Variants in SPATA7 observed in about 807,000 individuals in gnomAD.
The protein encoded by SPATA7 is spermatogenesis associated 7, also known as spermatogenesis-associated protein 7.
A neutral mutation model predicts 51.8 loss-of-function variants in SPATA7; 43 were observed. The observed-to-expected ratio is 0.83, with a 90% CI of 0.65 to 1.07. SPATA7 has a LOEUF of 1.07. Among genes scored for constraint, SPATA7 ranks in the 50% least tolerant of loss-of-function variants. SPATA7 has a pLI of 0.00. For missense variants in SPATA7, 683 were observed against 701.3 expected (o/e 0.97, Z 0.30); for synonymous variants, 230 against 252.8 (o/e 0.91, Z 0.86).
chr14:88,470,144 T>C (rs1447804651), exon 5 of SPATA7: 66 of 1,222,262 alleles, frequency 5.4e-5, no homozygotes, highest in Non-Finnish European at 7.4e-5. Context: ...AAAGTTTTTT[T>C]AAAAAAGTAA....
chr14:88,400,040 G>T (rs1418629150), intron 4 of SPATA7, among the ~76,000 whole-genome samples: 1 of 152,112 alleles, frequency 6.6e-6, no homozygotes, highest in Non-Finnish European at 1.5e-5. Context: ...CTCCTCAAGT[G>T]CACATGAAAC....
At chr14:88,406,850 C>A (rs542080991) in intron 4 of SPATA7, 1 of 152,216 alleles carries the variant, frequency 6.6e-6, no homozygotes, top group Non-Finnish European at 1.5e-5. Flanking sequence ...TGAGTGAGAA[C>A]ATGCAGTGTT....
chr14:88,408,407 T>C (rs946962851), intron 4 of SPATA7, among the ~76,000 whole-genome samples: 4 of 152,230 alleles, frequency 2.6e-5, no homozygotes, highest in African/African-American at 9.6e-5. Flanking sequence ...TTTGGCTGTC[T>C]GTCTGTTGTT....
chr14:88,463,562 C>CCA (rs2140064663), intron 4 of SPATA7, among the ~76,000 whole-genome samples: 2 of 152,216 alleles, frequency 1.3e-5, no homozygotes, highest in South Asian at 4.1e-4. Flanking sequence ...TGGTTCTGTA[C>CCA]CACTGCTTAC....
At chr14:88,386,364 C>T (rs2075577447) in intron 1 of SPATA7, among the ~76,000 whole-genome samples, 1 of 152,200 alleles carries the variant, frequency 6.6e-6, no homozygotes. Flanking sequence ...CCCAAAGCTA[C>T]TGAGTAACCC....
downstream of SPATA7, among the ~76,000 whole-genome samples, chr14:88,442,896 C>G (rs910186053): frequency 1.9e-4 from 28 of 149,938 alleles, 1 homozygote; most frequent in South Asian, 1.1e-3. Context: ...TAGAATTCAG[C>G]TGTGAATTCA....
intron 5 of SPATA7, among the ~76,000 whole-genome samples, chr14:88,424,533 A>G (rs1420443996): frequency 1.3e-5 from 2 of 152,172 alleles, no homozygotes; most frequent in Admixed American, 1.3e-4. Flanking sequence ...ATAATGGCTT[A>G]TGCATTTCTT....
At chr14:88,433,296 A>C in intron 10 of SPATA7, 84 bp downstream of exon 10, 1 of 999,006 alleles carries the variant, frequency 1.0e-6, no homozygotes, top group Non-Finnish European at 1.5e-6. Context: ...AAAATTTTAA[A>C]GTTATTTTCC....
chr14:88,416,872 G>A, intron 5 of SPATA7, 28 bp downstream of exon 5: 1 of 1,561,366 alleles, frequency 6.4e-7, no homozygotes, highest in Non-Finnish European at 8.8e-7. Flanking sequence ...TTTTTTAAAA[G>A]CAAATGTTTC....
At chr14:88,459,164 A>T (rs1321308398), downstream of SPATA7, among the ~76,000 whole-genome samples, 9 of 152,196 alleles carry the variant, frequency 5.9e-5, no homozygotes. Context: ...TTTTGGAATA[A>T]GGGCAATGTG....
exon 5 of SPATA7, chr14:88,470,107 T>C: frequency 1.9e-6 from 3 of 1,545,540 alleles, no homozygotes; most frequent in Admixed American, 1.7e-5. Flanking sequence ...CATAGGTATG[T>C]ATGCATGCAT....
intron 4 of SPATA7, among the ~76,000 whole-genome samples, chr14:88,407,680 C>T (rs539868347): frequency 5.9e-5 from 9 of 152,296 alleles, no homozygotes; most frequent in Non-Finnish European, 1.0e-4. Context: ...GAAGTCTGTG[C>T]ACATGCCTAT....
chr14:88,446,193 T>TG (rs965840529), intron 3 of SPATA7, among the ~76,000 whole-genome samples: 2 of 152,094 alleles, frequency 1.3e-5, no homozygotes, highest in African/African-American at 4.8e-5. Flanking sequence ...AGATTCAACT[T>TG]TTCCTGGTTT....
downstream of SPATA7, among the ~76,000 whole-genome samples, chr14:88,440,725 C>T (rs906032358): frequency 6.6e-6 from 1 of 152,072 alleles, no homozygotes; most frequent in Non-Finnish European, 1.5e-5. Flanking sequence ...TGTGTGTTTT[C>T]TCATATCTTG....
chr14:88,425,707 T>C (rs2076770614), intron 5 of SPATA7, among the ~76,000 whole-genome samples: 1 of 152,062 alleles, frequency 6.6e-6, no homozygotes, highest in Non-Finnish European at 1.5e-5. Flanking sequence ...TATTATGGAA[T>C]AAATATTTAT....
chr14:88,437,026 T>C (rs2140027092), intron 10 of SPATA7, among the ~76,000 whole-genome samples: 1 of 152,266 alleles, frequency 6.6e-6, no homozygotes, highest in East Asian at 1.9e-4. Flanking sequence ...GGTGTGGACA[T>C]TTTAACAATA....
intron 4 of SPATA7, among the ~76,000 whole-genome samples, chr14:88,463,512 C>T (rs2077330723): frequency 6.6e-6 from 1 of 152,038 alleles, no homozygotes; most frequent in Non-Finnish European, 1.5e-5. Flanking sequence ...AAAAGTTGCC[C>T]TATAATTTCT....
chr14:88,429,719 C>T (rs1322017307), intron 8 of SPATA7, among the ~76,000 whole-genome samples: 1 of 151,996 alleles, frequency 6.6e-6, no homozygotes. Context: ...TTTATTATCA[C>T]TGTTCATTAA....
chr14:88,468,055 G>A lies in SPATA7; in HGVS notation c.255-1792G>A, dbSNP rs10139491. 2,169 of 1,516,502 alleles carry A rather than the reference G, an allele frequency of 1.4e-3. 21 individuals are homozygous for A. In the African/African-American group the frequency reaches 0.026, roughly 18 times the overall value. 93.9% of individuals were successfully genotyped at this position (1,516,502 alleles called of 1,614,324 possible). A position where few individuals can be genotyped will look rare whatever the true frequency, so the allele number is the denominator to read the frequency against. On this transcript the variant is annotated intron_variant, in intron 4 of 4. Coordinates refer to the SPATA7 transcript ENST00000556406. ...CACGCTGCGTGGATCAAGTGTCAAC[G>A]GGAAAGTATGAGTTAGGCAAGCGCT...
Sources: allele counts gnomAD v4.1 joint callset (sites outside exome capture counted in the v4.1 genomes callset), GRCh38; gene constraint gnomAD v4.1.1; transcripts MANE v1.5; gene names NCBI Gene and HGNC (gene_info 2026-07-23, HGNC 2026-07-21).